The following PTPN4 variants were observed in gnomAD, a reference collection of about 807,000 sequenced individuals.
The protein encoded by PTPN4 is tyrosine-protein phosphatase non-receptor type 4.
PTPN4 carries 49 observed loss-of-function variants against 135.5 expected under a neutral mutation model. That is an observed-to-expected ratio of 0.36 (90% CI 0.29 to 0.46). The LOEUF is 0.46. Ranked by LOEUF, PTPN4 falls within the 20% of genes least tolerant of loss-of-function variation. The probability of loss-of-function intolerance (pLI) is 1.00; values close to 1 mark genes in which losing one functional copy is unlikely to be tolerated. For synonymous variants in PTPN4, 333 were observed against 369.9 expected (o/e 0.90, Z 1.14); for missense variants, 860 against 1,101.0 (o/e 0.78, Z 3.10).
At chr2:119,869,009 A>G (rs1244077662) in intron 3 of PTPN4, among the ~76,000 whole-genome samples, 3 of 152,178 alleles carry the variant, frequency 2.0e-5, no homozygotes, top group African/African-American at 7.2e-5. Context: ...ATCCAAGAGA[A>G]ATGAAAACAT....
intron 9 of PTPN4, among the ~76,000 whole-genome samples, chr2:119,894,603 A>T (rs1355081949): frequency 6.6e-6 from 1 of 152,232 alleles, no homozygotes; most frequent in Non-Finnish European, 1.5e-5. Context: ...AAAAATAGAC[A>T]TGAAAATTTT....
At chr2:119,928,391 A>C (rs1678854814) in intron 13 of PTPN4, among the ~76,000 whole-genome samples, 1 of 152,158 alleles carries the variant, frequency 6.6e-6, no homozygotes, top group African/African-American at 2.4e-5. Context: ...AGGAAATAAT[A>C]GTTTATTACA....
intron 10 of PTPN4, among the ~76,000 whole-genome samples, chr2:119,904,555 C>G (rs903650866): frequency 1.3e-5 from 2 of 152,030 alleles, no homozygotes; most frequent in Non-Finnish European, 2.9e-5. Context: ...CTCAAAGAAC[C>G]CCACAGACAT....
At chr2:119,815,500 A>T (rs1293266112) in intron 2 of PTPN4, among the ~76,000 whole-genome samples, 2 of 152,204 alleles carry the variant, frequency 1.3e-5, no homozygotes, top group Non-Finnish European at 2.9e-5. Context: ...GTTTTCATCC[A>T]TGTATTGGTG....
intron 1 of PTPN4, among the ~76,000 whole-genome samples, chr2:119,769,312 T>C (rs1690693020): frequency 6.6e-6 from 1 of 152,220 alleles, no homozygotes; most frequent in Admixed American, 6.5e-5. Flanking sequence ...GGAAAGTTAT[T>C]GATAATCTCA....
intron 1 of PTPN4, among the ~76,000 whole-genome samples, chr2:119,768,705 T>C (rs1690681973): frequency 6.6e-6 from 1 of 152,210 alleles, no homozygotes; most frequent in African/African-American, 2.4e-5. Flanking sequence ...AGTTGTCTCC[T>C]TTCTCCTTGC....
chr2:119,973,655 GT>G (rs70949378), intron 26 of PTPN4, among the ~76,000 whole-genome samples: 67 of 38,392 alleles, frequency 1.7e-3, no homozygotes, highest in African/African-American at 5.3e-3. Flanking sequence ...TTCATTTCTT[GT>G]TTTTTTTTTT....
At position 119,811,564 on chromosome 2, in the gene PTPN4, A is replaced by C. The variant is rs1676874711; in HGVS notation, c.138+1573A>C. Among the ~76,000 whole-genome samples the C allele has an allele frequency of 1.3e-5, 2 of 152,210 alleles. 1 individual carries two copies. The highest frequency in any genetic ancestry group is 1.3e-4 in the Admixed American group (2 of 15,266). On this transcript the variant is annotated intron_variant, in intron 2 of 26. Transcript: ENST00000263708. ...TTCTACTTCGTACAAATTTCTATTT[A>C]ATAGAAACTCTCATGTATTAGACAG...
chr2:119,802,222 A>G (rs533032333), intron 1 of PTPN4, among the ~76,000 whole-genome samples: 45 of 152,260 alleles, frequency 3.0e-4, no homozygotes, highest in African/African-American at 1.0e-3. Context: ...ACCTCACAGC[A>G]TAGGCTAGGA....
chr2:119,760,871 C>CA (rs11288109), intron 1 of PTPN4, among the ~76,000 whole-genome samples: 315 of 81,972 alleles, frequency 3.8e-3, no homozygotes, highest in African/African-American at 8.5e-3. Flanking sequence ...GTAGTTGAGC[C>CA]AAAAAAAAAA....
chr2:119,878,214 C>T (rs1009294795), intron 5 of PTPN4, among the ~76,000 whole-genome samples: 1 of 152,082 alleles, frequency 6.6e-6, no homozygotes, highest in Non-Finnish European at 1.5e-5. Flanking sequence ...TGATAATGTT[C>T]TTGATTATAG....
chr2:119,923,666 A>G (rs1289191636), intron 12 of PTPN4, among the ~76,000 whole-genome samples: 1 of 152,084 alleles, frequency 6.6e-6, no homozygotes, highest in Non-Finnish European at 1.5e-5. Context: ...ACTTTTTATC[A>G]GGTATAAAAA....
chr2:119,832,941 C>T (rs1026167268), intron 2 of PTPN4, among the ~76,000 whole-genome samples: 2 of 152,120 alleles, frequency 1.3e-5, no homozygotes, highest in Non-Finnish European at 2.9e-5. Flanking sequence ...ATTATTTGCT[C>T]TTTGAAGGTT....
At position 119,920,118 on chromosome 2, in the gene PTPN4, C is replaced by T; in HGVS notation, c.878C>T (p.Ala293Val). Reference sequence around the variant, plus strand: ...GGATTTAATATGGTGAATTACAGAGCATGTAAAAATTTGTGGAAAGCATGT... The same window carrying T: ...GGATTTAATATGGTGAATTACAGAGTATGTAAAAATTTGTGGAAAGCATGT... ...LLGFNMVNYR[A>V]CKNLWKACVE... Residue 293 changes from alanine to valine, a missense_variant, in exon 12 of 27, where the codon GCA becomes GTA. Transcript: ENST00000263708. 1 of 1,612,878 alleles carries T rather than the reference C, an allele frequency of 6.2e-7. No individual in the cohort carries two copies.
chr2:119,930,563 T>C (rs1191361472), intron 13 of PTPN4, among the ~76,000 whole-genome samples: 2 of 152,154 alleles, frequency 1.3e-5, no homozygotes, highest in African/African-American at 2.4e-5. Flanking sequence ...GGAAGCCACA[T>C]CTAGAATTCA....
intron 10 of PTPN4, among the ~76,000 whole-genome samples, chr2:119,908,541 T>C (rs1430497903): frequency 2.0e-5 from 3 of 152,142 alleles, no homozygotes; most frequent in African/African-American, 7.2e-5. Context: ...AGATATTGTA[T>C]TGTTTGTTCT....
At position 119,960,874 on chromosome 2, in the gene PTPN4, G is replaced by T. The variant is rs1399124875; in HGVS notation, c.2201G>T (p.Cys734Phe). 4 of 1,613,922 alleles carry T rather than the reference G, an allele frequency of 2.5e-6. No homozygotes were observed. Among genetic ancestry groups the T allele is most frequent in the Non-Finnish European group, 3.4e-6 (4 of 1,179,938 alleles). The part of the protein sequence containing the change: ...IACQGPLPHT[C>F]TDFWQMTWEQ... ...TGTCAAGGGCCATTACCACACACTT[G>T]TACAGATTTTTGGCAGATGACTTGG... Residue 734 changes from cysteine (C) to phenylalanine (F), a missense_variant, in exon 23 of 27, where the codon TGT (cysteine) becomes TTT (phenylalanine). Physicochemically the swap from Cys to Phe is radical, Grantham distance 205. Around this residue, in one of 2 missense-constraint regions of PTPN4, gnomAD observed 176 missense variants for 294.1 expected, o/e 0.60. Transcript: ENST00000263708.
At chr2:119,897,528 C>A (rs1678342604) in intron 9 of PTPN4, among the ~76,000 whole-genome samples, 1 of 152,166 alleles carries the variant, frequency 6.6e-6, no homozygotes, top group Non-Finnish European at 1.5e-5. Context: ...CTACAATTCA[C>A]ATATCCTATA....
chr2:119,855,694 G>T (rs1038282186), intron 2 of PTPN4, among the ~76,000 whole-genome samples: 1 of 152,160 alleles, frequency 6.6e-6, no homozygotes, highest in African/African-American at 2.4e-5. Flanking sequence ...TGTCAGTCCA[G>T]ATGTCTCCAG....
Sources: gnomAD v4.1 joint callset for allele counts (sites outside exome capture counted in the v4.1 genomes callset) on GRCh38, gnomAD v4.1.1 for gene constraint, gnomAD v4.1.1 regional missense constraint, MANE v1.5 for transcripts, NCBI Gene and HGNC (gene_info 2026-07-23, HGNC 2026-07-21) for gene names.